Variants in ABI3BP observed in about 807,000 individuals in gnomAD.
The protein encoded by ABI3BP is target of Nesh-SH3.
ABI3BP carries 216 observed loss-of-function variants against 268.6 expected under a neutral mutation model. The observed-to-expected ratio is 0.80, with a 90% confidence interval of 0.72 to 0.90. The LOEUF is 0.90. ABI3BP is among the 40% of genes least tolerant of loss of function. ABI3BP has a pLI of 0.00. For missense variants in ABI3BP, 2,090 were observed against 2,182.4 expected, an observed-to-expected ratio of 0.96 and a Z score of 0.84; for synonymous variants, 730 against 730.0, an observed-to-expected ratio of 1.00 and a Z score of 0.00.
chr3:100,830,639 T>C lies in ABI3BP; in HGVS notation c.2402-5A>G, dbSNP rs1231419800. 1 of 1,525,706 alleles carries C rather than the reference T, an allele frequency of 6.6e-7. No individual in the cohort carries two copies. Among genetic ancestry groups the C allele is most frequent in the East Asian group, 2.4e-5 (1 of 40,826 alleles). 94.5% of individuals were successfully genotyped at this position (1,525,706 alleles called of 1,614,324 possible). A position where few individuals can be genotyped will look rare whatever the true frequency, so the allele number is the denominator to read the frequency against. On this transcript the variant is annotated splice_polypyrimidine_tract_variant and splice_region_variant and intron_variant, in intron 31 of 67. Coordinates refer to ENST00000471714, the MANE Select transcript of ABI3BP (RefSeq NM_001375547.2). ...GTTCGAGGATTGTGGCAGGAACTGA[T>C]CAAAAGTAATAAAAGAAACCAAAGA...
Position 100,775,262 on chromosome 3 carries a change from C to T in ABI3BP, c.4407G>A (p.Glu1469=), listed in dbSNP as rs375834918. The change falls in exon 60 of 68, where the codon GAG becomes GAA. Residue 1469 remains glutamate (E), a synonymous_variant. Transcript: ENST00000471714. ...STPRPTGTPL[E]RIETDIKQPT... is the part of the protein sequence containing the mutation. ...GTTGCTTTATATCTGTCTCTATTCT[C>T]TCCAAGGGAGTTCCAGTAGGCCTGG... The T allele has an allele frequency of 6.5e-5, 105 of 1,610,924 alleles. No individual in the cohort carries two copies. The African/African-American group carries it at 1.0e-3, about 16-fold the overall frequency.
intron 7 of ABI3BP, 76 bp downstream of exon 7, chr3:100,876,436 T>C: frequency 4.7e-6 from 6 of 1,272,498 alleles, no homozygotes; most frequent in East Asian, 2.4e-5. Flanking sequence ...CGAGAAAATA[T>C]GTGCCGTGTT....
Position 100,804,879 on chromosome 3 carries a change from A to G in ABI3BP, c.3683-13T>C. 1 of 1,610,440 alleles carries G rather than the reference A, an allele frequency of 6.2e-7. No homozygotes were observed. The highest frequency in any genetic ancestry group is 1.7e-5 in the Admixed American group (1 of 59,952). On this transcript the variant is annotated splice_polypyrimidine_tract_variant and intron_variant, in intron 50 of 67. Coordinates refer to ENST00000471714, the MANE Select transcript of ABI3BP (RefSeq NM_001375547.2). Reference sequence around the variant, plus strand: ...GGCACCTTAGGAACTGAAAGAGAGAACTCATATTGTAAGTCATTTGGTTTC... The same window carrying G: ...GGCACCTTAGGAACTGAAAGAGAGAGCTCATATTGTAAGTCATTTGGTTTC...
intron 6 of ABI3BP, among the ~76,000 whole-genome samples, chr3:100,880,315 T>C (rs780443228): frequency 6.6e-6 from 1 of 152,146 alleles, no homozygotes; most frequent in Non-Finnish European, 1.5e-5. Flanking sequence ...ATTCCCTTGC[T>C]GGCTCTCTTT....
intron 1 of ABI3BP, among the ~76,000 whole-genome samples, chr3:100,979,086 A>G (rs2153940199): frequency 1.3e-5 from 2 of 152,312 alleles, no homozygotes; most frequent in Middle Eastern, 6.8e-3. Context: ...CCTCAGATCT[A>G]CTGAGTCAGA....
intron 1 of ABI3BP, among the ~76,000 whole-genome samples, chr3:100,935,149 T>A (rs894233982): frequency 9.2e-5 from 14 of 152,196 alleles, no homozygotes; most frequent in African/African-American, 3.1e-4. Flanking sequence ...TGAGTTAATT[T>A]TTGTATAAGG....
intron 14 of ABI3BP, among the ~76,000 whole-genome samples, chr3:100,853,728 C>T (rs1227841638): frequency 6.6e-6 from 1 of 152,138 alleles, no homozygotes; most frequent in Non-Finnish European, 1.5e-5. Context: ...CATCCATCTC[C>T]CCTCGTTATT....
intron 2 of ABI3BP, chr3:100,911,496 C>CT (rs967546236): frequency 2.5e-4 from 105 of 428,168 alleles, no homozygotes; most frequent in Middle Eastern, 1.3e-3. Flanking sequence ...TTGTTTTTCA[C>CT]TTTTTTTTGC....
rs2098207026 is a variant in ABI3BP at position 100,821,114 on chromosome 3, C to T, written c.2888-1G>A. ...ACAGGTTTGAGCTCCGCAGTAGGAA[C>T]TGATCAAAAGCATTAAAATTAACCA... On this transcript the variant is annotated splice_acceptor_variant, in intron 38 of 67. Transcript: ENST00000471714. LOFTEE classifies it high-confidence loss of function. The T allele has an allele frequency of 4.6e-6, 7 of 1,535,564 alleles. No individual in the cohort carries two copies. Among genetic ancestry groups the T allele is most frequent in the Non-Finnish European group, 6.1e-6 (7 of 1,146,482 alleles).
At chr3:100,946,324 C>CACCTCACATTCCAA (rs2072245741) in intron 1 of ABI3BP, among the ~76,000 whole-genome samples, 1 of 144,110 alleles carries the variant, frequency 6.9e-6, no homozygotes, top group Non-Finnish European at 1.5e-5. Flanking sequence ...TGAGCCAAAT[C>CACCTCACATTCCAA]ATGCCACACA....
intron 14 of ABI3BP, among the ~76,000 whole-genome samples, chr3:100,854,370 A>G (rs2098914625): frequency 6.6e-6 from 1 of 152,096 alleles, no homozygotes; most frequent in Non-Finnish European, 1.5e-5. Context: ...CAACAACAAC[A>G]AAAAGAGATG....
intron 6 of ABI3BP, 48 bp downstream of exon 6, chr3:100,885,488 G>A: frequency 1.8e-6 from 2 of 1,104,984 alleles, no homozygotes; most frequent in Non-Finnish European, 1.3e-6. Context: ...CCTTAACAAT[G>A]CAGATACAAT....
intron 2 of ABI3BP, chr3:100,911,463 C>T: frequency 2.6e-6 from 1 of 381,092 alleles, no homozygotes. Flanking sequence ...ATATCCTTTA[C>T]TAGTTTATTT....
At position 100,894,965 on chromosome 3, in the gene ABI3BP, A is replaced by AAAAAAAAAAAAAAAAAAAAAAAAC. The variant is rs760156604; in HGVS notation, c.461+3796_461+3797insGTTTTTTTTTTTTTTTTTTTTTTT. 1.1e-3 allele frequency among the ~76,000 whole-genome samples: 129 copies of AAAAAAAAAAAAAAAAAAAAAAAAC among 120,834 alleles called. 7 individuals carry two copies. Among genetic ancestry groups the AAAAAAAAAAAAAAAAAAAAAAAAC allele is most frequent in the Non-Finnish European group, 1.9e-3 (97 of 51,356 alleles). 79.3% of individuals were successfully genotyped at this position (120,834 alleles called of 152,430 possible). ...AAAAAAAAAAAAAAAAAAAAAAAAAAAACAGAAAAAAAAAACACAAGATGA... is the reference window on the plus strand; with the variant it reads ...AAAAAAAAAAAAAAAAAAAAAAAAAAAAAAAAAAAAAAAAAAAAAAAAACAACAGAAAAAAAAAACACAAGATGA... On this transcript the variant is annotated intron_variant, in intron 4 of 67. Transcript: ENST00000471714.
At chr3:100,915,740 A>G (rs1002733526) in intron 2 of ABI3BP, among the ~76,000 whole-genome samples, 12 of 152,216 alleles carry the variant, frequency 7.9e-5, no homozygotes, top group African/African-American at 2.7e-4. Flanking sequence ...CTTTAAGTGC[A>G]CTGGTCATCC....
In ABI3BP at chr3:100,818,578, G is replaced by T. The variant is rs1031432037; in HGVS notation, c.3035C>A (p.Pro1012His). Reference sequence around the variant, plus strand: ...AGTACCAGGTTCAAGATCTGTAGAAGGAACTAATTAAAAGCAATGAAATAA... The same window carrying T: ...AGTACCAGGTTCAAGATCTGTAGAATGAACTAATTAAAAGCAATGAAATAA... ...SPEVPQTKLV[P>H]STDLEPGTLR... The change falls in exon 41 of 68, where the codon CCT becomes CAT. Residue 1012 changes from proline (P) to histidine (H), a missense_variant. Pro to His is a moderately conservative substitution (Grantham distance 77, BLOSUM62 -2). Coordinates refer to ENST00000471714, the MANE Select transcript of ABI3BP (RefSeq NM_001375547.2). The T allele has an allele frequency of 2.0e-6, 3 of 1,534,634 alleles. No homozygotes were observed. The highest frequency in any genetic ancestry group is 1.2e-5 in the South Asian group (1 of 83,994).
At chr3:100,797,916 G>T (rs530238077) in intron 51 of ABI3BP, among the ~76,000 whole-genome samples, 4 of 151,958 alleles carry the variant, frequency 2.6e-5, no homozygotes, top group Admixed American at 6.6e-5. Flanking sequence ...TTTGCATGTG[G>T]TTTTTTTTGG....
chr3:100,946,906 T>A (rs146302452), intron 1 of ABI3BP, among the ~76,000 whole-genome samples: 127 of 152,330 alleles, frequency 8.3e-4, no homozygotes, highest in African/African-American at 2.8e-3. Context: ...ACTAATTATG[T>A]GAATATTTGT....
rs150048893 is a variant in ABI3BP at position 100,749,767 on chromosome 3, A to C, written c.*728T>G. 4.6e-3 allele frequency: 1,817 copies of C among 398,280 alleles called. 7 individuals are homozygous for C. The highest frequency in any genetic ancestry group is 0.014 in the Middle Eastern group (22 of 1,578). The allele number at this position is 398,280 out of a possible 1,614,324, so 24.7% of individuals were successfully genotyped here. A position where few individuals can be genotyped will look rare whatever the true frequency, so the allele number is the denominator to read the frequency against. On this transcript the variant is annotated 3_prime_UTR_variant, in exon 68 of 68. Coordinates refer to ENST00000471714, the MANE Select transcript of ABI3BP (RefSeq NM_001375547.2). ...CGATTGCATAAAGGGATAGTTTGAC[A>C]AAGCATATTCAGATATTGTAACATT...
Sources: allele counts gnomAD v4.1 joint callset (sites outside exome capture counted in the v4.1 genomes callset), GRCh38; gene constraint gnomAD v4.1.1; transcripts MANE v1.5; gene names NCBI Gene and HGNC (gene_info 2026-07-23, HGNC 2026-07-21).